The following LRRC1 variants were observed in gnomAD, a reference collection of about 807,000 sequenced individuals.
The protein encoded by LRRC1 is leucine-rich repeat-containing protein 1.
In LRRC1, 28 loss-of-function variants were observed where a neutral mutation model predicts 69.9. The observed-to-expected ratio is 0.40, with a 90% CI of 0.30 to 0.55. LRRC1 has a LOEUF of 0.55. Ranked by LOEUF, LRRC1 falls within the 20% of genes least tolerant of loss-of-function variation. The pLI, the probability that LRRC1 is intolerant of heterozygous loss-of-function variation, is 0.47. For synonymous variants in LRRC1, 236 were observed against 240.2 expected, an observed-to-expected ratio of 0.98 and a Z score of 0.16; for missense variants, 498 against 609.0, an observed-to-expected ratio of 0.82 and a Z score of 1.92.
At chr6:53,864,697 C>A (rs1766639505) in intron 2 of LRRC1, among the ~76,000 whole-genome samples, 1 of 152,088 alleles carries the variant, frequency 6.6e-6, no homozygotes, top group African/African-American at 2.4e-5. Context: ...ACATAACAGG[C>A]CCTCAAAAAT....
chr6:53,807,108 T>C (rs975544367), intron 1 of LRRC1, among the ~76,000 whole-genome samples: 3 of 152,200 alleles, frequency 2.0e-5, no homozygotes, highest in Non-Finnish European at 4.4e-5. Flanking sequence ...CAGTATCAGA[T>C]TGAGGTGGCT....
intron 7 of LRRC1, among the ~76,000 whole-genome samples, chr6:53,899,509 T>C (rs990826892): frequency 6.7e-6 from 1 of 150,302 alleles, no homozygotes; most frequent in African/African-American, 2.4e-5. Flanking sequence ...ATTCCTTGCC[T>C]GCCTGAAAGG....
chr6:53,904,524 G>A, intron 10 of LRRC1, 62 bp downstream of exon 10: 3 of 1,152,382 alleles, frequency 2.6e-6, no homozygotes, highest in Non-Finnish European at 2.5e-6. Flanking sequence ...AATACATAAG[G>A]GATCAAAAAT....
At chr6:53,876,104 A>G (rs931744932) in intron 2 of LRRC1, among the ~76,000 whole-genome samples, 4 of 152,116 alleles carry the variant, frequency 2.6e-5, no homozygotes, top group Non-Finnish European at 5.9e-5. Flanking sequence ...AATTTGACTC[A>G]CAGTTCCATC....
intron 2 of LRRC1, among the ~76,000 whole-genome samples, chr6:53,861,502 A>G (rs936881218): frequency 1.3e-5 from 2 of 149,812 alleles, no homozygotes; most frequent in Non-Finnish European, 3.0e-5. Flanking sequence ...AGTCGCTGGG[A>G]GTGGGACCAG....
chr6:53,795,061 G>T lies in LRRC1; in HGVS notation c.-196G>T. 2.1e-6 allele frequency: 1 copy of T among 466,474 alleles called. No individual in the cohort carries two copies. Among genetic ancestry groups the T allele is most frequent in the Non-Finnish European group, 3.7e-6 (1 of 267,992 alleles). The allele number at this position is 466,474 out of a possible 1,614,324, so 28.9% of individuals were successfully genotyped here. ...CACCGGCTGGCGGGCGGGGGTACAG[G>T]GACGGGGCAGGGGCTCCCGCTCCAG... is the stretch of plus-strand genomic sequence containing the variant. On this transcript the variant is annotated 5_prime_UTR_variant, in exon 1 of 14. Coordinates refer to ENST00000370888, the MANE Select transcript of LRRC1 (RefSeq NM_018214.5).
intron 13 of LRRC1, 157 bp downstream of exon 13, chr6:53,920,918 G>A (rs1399065943): frequency 2.6e-6 from 2 of 754,830 alleles, no homozygotes; most frequent in Non-Finnish European, 4.2e-6. Context: ...GTAATTCTAG[G>A]TACTCACTCA....
chr6:53,915,401 G>C (rs1242458769), intron 11 of LRRC1, among the ~76,000 whole-genome samples: 2 of 152,130 alleles, frequency 1.3e-5, no homozygotes, highest in African/African-American at 4.8e-5. Flanking sequence ...CCACTAACTG[G>C]TTGCCGGAAA....
chr6:53,811,541 C>T (rs761147076), intron 1 of LRRC1, among the ~76,000 whole-genome samples: 7 of 152,254 alleles, frequency 4.6e-5, no homozygotes, highest in Non-Finnish European at 1.0e-4. Context: ...GAGCTGCTCA[C>T]ACACAGGATA....
At chr6:53,806,504 A>C (rs886916972) in intron 1 of LRRC1, among the ~76,000 whole-genome samples, 1 of 152,132 alleles carries the variant, frequency 6.6e-6, no homozygotes, top group South Asian at 2.1e-4. Flanking sequence ...GGTCCTGTCC[A>C]ACACTAGCAT....
chr6:53,852,287 C>T, intron 2 of LRRC1, among the ~76,000 whole-genome samples: 1 of 152,192 alleles, frequency 6.6e-6, no homozygotes. Context: ...CGTATAGATG[C>T]TGTAATTCTA....
At chr6:53,861,720 C>G (rs986150577) in intron 2 of LRRC1, among the ~76,000 whole-genome samples, 2 of 151,906 alleles carry the variant, frequency 1.3e-5, no homozygotes, top group Non-Finnish European at 2.9e-5. Flanking sequence ...TCACTCCTGG[C>G]CCTGCACCCT....
At chr6:53,901,346 C>T (rs1439532413) in intron 8 of LRRC1, among the ~76,000 whole-genome samples, 1 of 152,142 alleles carries the variant, frequency 6.6e-6, no homozygotes, top group Non-Finnish European at 1.5e-5. Flanking sequence ...TTAAGACCAG[C>T]TTGGGCATCA....
chr6:53,916,879 C>T (rs1484544156), intron 11 of LRRC1, among the ~76,000 whole-genome samples: 1 of 152,166 alleles, frequency 6.6e-6, no homozygotes, highest in East Asian at 1.9e-4. Context: ...TGGTCATGGA[C>T]ATAACTGGAG....
At chr6:53,849,645 G>C (rs982801000) in intron 2 of LRRC1, among the ~76,000 whole-genome samples, 1 of 152,198 alleles carries the variant, frequency 6.6e-6, no homozygotes, top group Non-Finnish European at 1.5e-5. Context: ...ATCTTGGAAA[G>C]GGACTTGAGC....
chr6:53,871,967 C>G (rs1177037544), intron 2 of LRRC1, among the ~76,000 whole-genome samples: 1 of 152,168 alleles, frequency 6.6e-6, no homozygotes, highest in Admixed American at 6.5e-5. Context: ...CGCCCCTGGC[C>G]TGTTTTTTGC....
At chr6:53,838,123 T>C (rs1370793635) in intron 1 of LRRC1, among the ~76,000 whole-genome samples, 1 of 152,202 alleles carries the variant, frequency 6.6e-6, no homozygotes. Context: ...TTTTCCTGAC[T>C]CTCTAAGGAA....
chr6:53,904,478 G>A lies in LRRC1; in HGVS notation c.990+16G>A. ...ACCAAAAGAGGTATGTGCTTTTAGAGAAATCACATGATAATAATTATGAAG... is the reference window on the plus strand; with the variant it reads ...ACCAAAAGAGGTATGTGCTTTTAGAAAAATCACATGATAATAATTATGAAG... On this transcript the variant is annotated intron_variant, in intron 10 of 13. Coordinates refer to ENST00000370888, the MANE Select transcript of LRRC1 (RefSeq NM_018214.5). 7.0e-7 allele frequency: 1 copy of A among 1,429,448 alleles called. No individual in the cohort carries two copies. 88.5% of individuals were successfully genotyped at this position (1,429,448 alleles called of 1,614,324 possible).
At chr6:53,829,773 G>A (rs560339616) in intron 1 of LRRC1, among the ~76,000 whole-genome samples, 9 of 152,150 alleles carry the variant, frequency 5.9e-5, no homozygotes, top group Admixed American at 1.3e-4. Context: ...GGAGCTTACC[G>A]AGAACGGATT....
Sources: allele counts gnomAD v4.1 joint callset (sites outside exome capture counted in the v4.1 genomes callset), GRCh38; gene constraint gnomAD v4.1.1; transcripts MANE v1.5; gene names NCBI Gene and HGNC (gene_info 2026-07-23, HGNC 2026-07-21).